SLC30A5: variants seen among roughly 807,000 people sequenced by gnomAD.
SLC30A5 encodes proton-coupled zinc antiporter SLC30A5.
In SLC30A5, 33 loss-of-function variants were observed where a neutral mutation model predicts 79.6. The observed-to-expected ratio is 0.41, with a 90% CI of 0.31 to 0.55. SLC30A5 has a LOEUF of 0.55. Among genes scored for constraint, SLC30A5 ranks in the 20% least tolerant of loss-of-function variants. The pLI is 0.20. For synonymous variants in SLC30A5, 299 were observed against 319.7 expected, an observed-to-expected ratio of 0.94 and a Z score of 0.69; for missense variants, 788 against 928.1, an observed-to-expected ratio of 0.85 and a Z score of 1.96.
intron 5 of SLC30A5, among the ~76,000 whole-genome samples, chr5:69,110,641 A>C (rs1464407849): frequency 7.7e-6 from 1 of 129,662 alleles, no homozygotes; most frequent in Non-Finnish European, 1.8e-5. Context: ...TCTGAGCATA[A>C]AAGCAGTGGA....
At position 69,115,319 on chromosome 5, in the gene SLC30A5, G is replaced by A. The variant is rs1241073983; in HGVS notation, c.695G>A (p.Gly232Asp). The A allele has an allele frequency of 6.2e-7, 1 of 1,613,710 alleles. No individual in the cohort carries two copies. The change falls in exon 8 of 16, where the codon GGT (glycine) becomes GAT (aspartate). Residue 232 changes from glycine (G) to aspartate (D), a missense_variant. This residue lies in a region of SLC30A5 where 626 missense variants were observed against 755.5 expected (regional missense o/e 0.83). Coordinates refer to ENST00000396591, the MANE Select transcript of SLC30A5 (RefSeq NM_022902.5). ...TCCAGAAAGCTCTCTGTCGACGTTG[G>A]TGGAGCTAAACGTCTTCAAGCTTTA... ...TASRKLSVDV[G>D]GAKRLQALSH... is the part of the protein sequence containing the mutation.
rs1746382169 is a variant in SLC30A5 at position 69,116,672 on chromosome 5, A to G, written c.1281+70A>G. The G allele has an allele frequency of 9.6e-7, 1 of 1,039,578 alleles. No individual in the cohort carries two copies. The highest frequency in any genetic ancestry group is 3.3e-5 in the Admixed American group (1 of 30,618). 64.4% of individuals were successfully genotyped at this position (1,039,578 alleles called of 1,614,324 possible). Reference sequence around the variant, plus strand: ...TTTTAATTTTGACAGTTCTGGTATAAGTTTAGTACTTCCCAAATTTCTGAT... The same window carrying G: ...TTTTAATTTTGACAGTTCTGGTATAGGTTTAGTACTTCCCAAATTTCTGAT... On this transcript the variant is annotated intron_variant, in intron 10 of 15. Coordinates refer to ENST00000396591, the MANE Select transcript of SLC30A5 (RefSeq NM_022902.5). The surrounding 1 kb of genome is among the most constrained non-coding windows in gnomAD (Gnocchi z 4.0).
Position 69,094,042 on chromosome 5 carries a change from C to T in SLC30A5, c.-214C>T. 1 of 393,348 alleles carries T rather than the reference C, an allele frequency of 2.5e-6. No homozygotes were observed. The highest frequency in any genetic ancestry group is 3.6e-5 in the East Asian group (1 of 27,770). The allele number at this position is 393,348 out of a possible 1,614,324, so 24.4% of individuals were successfully genotyped here. Reference sequence around the variant, plus strand: ...CCTACCGCCGCTGCTTCCCGGGAACCTGGCGCCGCCGGAACTGATCGCGGC... The same window carrying T: ...CCTACCGCCGCTGCTTCCCGGGAACTTGGCGCCGCCGGAACTGATCGCGGC... On this transcript the variant is annotated 5_prime_UTR_variant, in exon 1 of 16. Transcript: ENST00000396591.
At chr5:69,114,376 G>A (rs776989788) in intron 6 of SLC30A5, 44 bp from the exon 7 acceptor site, 1 of 1,152,466 alleles carries the variant, frequency 8.7e-7, no homozygotes, top group South Asian at 1.2e-5. Flanking sequence ...AGGTGTCAAA[G>A]AGTGACTTTT....
intron 2 of SLC30A5, 29 bp downstream of exon 2, chr5:69,100,958 T>C: frequency 2.0e-6 from 3 of 1,530,390 alleles, no homozygotes; most frequent in Non-Finnish European, 2.6e-6. Flanking sequence ...TTTTTCTTGA[T>C]ATTTTTTATT....
chr5:69,122,273 T>C (rs760268608), intron 13 of SLC30A5, among the ~76,000 whole-genome samples: 2 of 152,098 alleles, frequency 1.3e-5, no homozygotes, highest in Non-Finnish European at 2.9e-5. Flanking sequence ...GGCAGGTGCT[T>C]GTAATCCCAG....
intron 14 of SLC30A5, among the ~76,000 whole-genome samples, chr5:69,123,923 C>T (rs1170505665): frequency 6.6e-6 from 1 of 152,022 alleles, no homozygotes; most frequent in Non-Finnish European, 1.5e-5. Flanking sequence ...ACCATCCTGG[C>T]TAACAAGGTG....
chr5:69,100,737 A>G, intron 1 of SLC30A5, 70 bp from the exon 2 acceptor site: 6 of 1,395,152 alleles, frequency 4.3e-6, no homozygotes, highest in Non-Finnish European at 5.9e-6. Context: ...CCTCTTGTTT[A>G]AAAAACCAGA....
chr5:69,094,665 T>G (rs1335572205), intron 1 of SLC30A5, among the ~76,000 whole-genome samples: 1 of 152,110 alleles, frequency 6.6e-6, no homozygotes, highest in Non-Finnish European at 1.5e-5. Context: ...CTCCCTGAAA[T>G]AGTCTGGCGA....
At position 69,130,880 on chromosome 5, in the gene SLC30A5, G is replaced by GT. The variant is rs1343553333; in HGVS notation, c.*1264dup. The GT allele has an allele frequency of 6.6e-6, 1 of 151,984 alleles. No homozygotes were observed. Among genetic ancestry groups the GT allele is most frequent in the Non-Finnish European group, 1.5e-5 (1 of 67,986 alleles). 9.4% of individuals were successfully genotyped at this position (151,984 alleles called of 1,614,324 possible). ...AATTTTGATAAGTAGATTGAATTTA[G>GT]TATGAGTACTATTTTCTTATATATA... On this transcript the variant is annotated 3_prime_UTR_variant, in exon 16 of 16. Coordinates refer to ENST00000396591, the MANE Select transcript of SLC30A5 (RefSeq NM_022902.5).
chr5:69,094,239 G>A lies in SLC30A5; in HGVS notation c.-17G>A. The stretch of plus-strand genomic sequence containing the variant: ...ACCCCGCGACAGGGGCAGCGGCGGC[G>A]GCTCGTGAGCCCCGGGATGGAGGAG... On this transcript the variant is annotated 5_prime_UTR_variant, in exon 1 of 16. Coordinates refer to ENST00000396591, the MANE Select transcript of SLC30A5 (RefSeq NM_022902.5). 3 of 1,207,454 alleles carry A rather than the reference G, an allele frequency of 2.5e-6. No individual in the cohort carries two copies. Among genetic ancestry groups the A allele is most frequent in the Non-Finnish European group, 3.2e-6 (3 of 948,362 alleles). The allele number at this position is 1,207,454 out of a possible 1,614,324, so 74.8% of individuals were successfully genotyped here. A position where few individuals can be genotyped will look rare whatever the true frequency, so the allele number is the denominator to read the frequency against.
chr5:69,115,589 G>C (rs1395293595), intron 8 of SLC30A5, among the ~76,000 whole-genome samples, 182 bp downstream of exon 8: 2 of 151,994 alleles, frequency 1.3e-5, no homozygotes, highest in South Asian at 4.2e-4. Context: ...ATTGTTTATA[G>C]AAAATACAAA....
At chr5:69,115,179 A>C in intron 7 of SLC30A5, 58 bp from the exon 8 acceptor site, 2 of 1,029,960 alleles carry the variant, frequency 1.9e-6, no homozygotes, top group Non-Finnish European at 2.9e-6. Flanking sequence ...CATGTATTTA[A>C]CGACTGACTG....
Position 69,121,740 on chromosome 5 carries a change from C to T in SLC30A5, c.1616C>T (p.Ala539Val), listed in dbSNP as rs1464686509. 1.2e-6 allele frequency: 2 copies of T among 1,613,086 alleles called. No homozygotes were observed. Among genetic ancestry groups the T allele is most frequent in the African/African-American group, 2.7e-5 (2 of 74,796 alleles). ...GLIVNLIGIC[A>V]FSHAHSHAHG... ...ATAGTAAACCTTATTGGTATCTGTG[C>T]CTTTAGCCATGCCCATAGCCATGCC... The change falls in exon 13 of 16, where the codon GCC becomes GTC. Residue 539 changes from alanine (A) to valine (V), a missense_variant. Transcript: ENST00000396591.
intron 4 of SLC30A5, among the ~76,000 whole-genome samples, chr5:69,106,336 G>A (rs908467214): frequency 1.3e-4 from 20 of 152,088 alleles, no homozygotes; most frequent in African/African-American, 4.8e-4. Context: ...CTTATCATCT[G>A]TAATATTTTA....
Position 69,116,910 on chromosome 5 carries a change from TCTCA to T in SLC30A5, c.1281+311_1281+314del, listed in dbSNP as rs1161410197. 1.6e-4 allele frequency among the ~76,000 whole-genome samples: 24 copies of T among 152,324 alleles called. No individual in the cohort carries two copies. Among genetic ancestry groups the T allele is most frequent in the East Asian group, 5.8e-4 (3 of 5,184 alleles). On this transcript the variant is annotated intron_variant, in intron 10 of 15. Transcript: ENST00000396591. The surrounding 1 kb of genome is among the most constrained non-coding windows in gnomAD (Gnocchi z 4.0). ...TAAAGAGTTCTAATAACTTACAGGA[TCTCA>T]CTATTAGCAATCAGTGTTATAAATC...
At chr5:69,124,990 A>G (rs1422584236) in intron 14 of SLC30A5, among the ~76,000 whole-genome samples, 1 of 152,262 alleles carries the variant, frequency 6.6e-6, no homozygotes, top group African/African-American at 2.4e-5. Context: ...CAGTTGGTGG[A>G]AGATTTCATT....
At chr5:69,100,956 G>C in intron 2 of SLC30A5, 27 bp downstream of exon 2, 1 of 1,525,068 alleles carries the variant, frequency 6.6e-7, no homozygotes, top group Non-Finnish European at 8.8e-7. Flanking sequence ...GTTTTTTCTT[G>C]ATATTTTTTA....
At chr5:69,126,273 A>G (rs948484473) in intron 14 of SLC30A5, among the ~76,000 whole-genome samples, 1 of 152,124 alleles carries the variant, frequency 6.6e-6, no homozygotes, top group Non-Finnish European at 1.5e-5. Context: ...CCTCATAGTT[A>G]TTGGATAGTA....
Sources: gnomAD v4.1 joint callset for allele counts (sites outside exome capture counted in the v4.1 genomes callset) on GRCh38, gnomAD v4.1.1 for gene constraint, gnomAD v4.1.1 regional missense constraint, Gnocchi (gnomAD v3.1) non-coding constraint, MANE v1.5 for transcripts, NCBI Gene and HGNC (gene_info 2026-07-23, HGNC 2026-07-21) for gene names.